The following THSD7B variants were observed in gnomAD, a reference collection of about 807,000 sequenced individuals.
THSD7B encodes thrombospondin type-1 domain-containing protein 7B.
Under a neutral mutation model 213.6 loss-of-function variants are expected in THSD7B, and 138 were observed. The observed-to-expected ratio is 0.65, with a 90% CI of 0.56 to 0.74. The LOEUF is 0.74. Ranked by LOEUF, THSD7B falls within the 30% of genes least tolerant of loss-of-function variation. THSD7B has a pLI of 0.00. For missense variants in THSD7B, 1,931 were observed against 1,991.5 expected, an observed-to-expected ratio of 0.97 and a Z score of 0.58; for synonymous variants, 742 against 687.0, an observed-to-expected ratio of 1.08 and a Z score of -1.25.
intron 17 of THSD7B, among the ~76,000 whole-genome samples, chr2:137,607,534 C>T (rs1682205702): frequency 6.6e-6 from 1 of 152,166 alleles, no homozygotes; most frequent in Non-Finnish European, 1.5e-5. Flanking sequence ...TTGTAGTTCT[C>T]ATGGGTCGCA....
chr2:137,590,186 G>A (rs563998654), intron 17 of THSD7B, among the ~76,000 whole-genome samples: 40 of 152,294 alleles, frequency 2.6e-4, no homozygotes, highest in African/African-American at 9.6e-4. Context: ...ATCACTGGCT[G>A]TACTATTTAC....
intron 2 of THSD7B, among the ~76,000 whole-genome samples, chr2:137,028,395 A>G (rs1686594161): frequency 6.6e-6 from 1 of 152,226 alleles, no homozygotes; most frequent in Admixed American, 6.5e-5. Context: ...TGACAGGCTT[A>G]TCAACAATAT....
chr2:136,828,326 A>G (rs1682693271), intron 1 of THSD7B, among the ~76,000 whole-genome samples: 1 of 152,112 alleles, frequency 6.6e-6, no homozygotes, highest in African/African-American at 2.4e-5. Flanking sequence ...ATCATTGACA[A>G]CTGTCTCTTT....
chr2:137,309,729 C>G lies in THSD7B; in HGVS notation c.2500+33703C>G, dbSNP rs186996878. ...GTCCATGTGTACTCATTGTTCAATT[C>G]CCACCTATGAGTGAGAATGTGCGGT... On this transcript the variant is annotated intron_variant, in intron 12 of 27. Transcript: ENST00000409968. 4.0e-3 allele frequency among the ~76,000 whole-genome samples: 610 copies of G among 151,932 alleles called. 3 individuals are homozygous for G. The highest frequency in any genetic ancestry group is 6.7e-3 in the Non-Finnish European group (453 of 68,000).
rs557913058 is a variant in THSD7B, at chr2:136,768,581, CAG to C, written c.-36+2896_-36+2897del. Reference sequence around the variant, plus strand: ...ATATTAAATACATGATTAAGACAAACAGATTAAAGAATTCTAAGTAGTGACAA... The same window carrying C: ...ATATTAAATACATGATTAAGACAAACATTAAAGAATTCTAAGTAGTGACAA... On this transcript the variant is annotated intron_variant, in intron 1 of 27. Coordinates refer to ENST00000409968, the MANE Select transcript of THSD7B (RefSeq NM_001316349.2). Among the ~76,000 whole-genome samples, 31 of 152,076 alleles carry C rather than the reference CAG, an allele frequency of 2.0e-4. No individual in the cohort carries two copies. In the South Asian group the frequency reaches 6.0e-3, roughly 30 times the overall value.
At chr2:137,375,557 G>A (rs1463158240) in intron 12 of THSD7B, among the ~76,000 whole-genome samples, 1 of 152,120 alleles carries the variant, frequency 6.6e-6, no homozygotes, top group African/African-American at 2.4e-5. Context: ...AAAGTCTTGT[G>A]CAAGACACGA....
chr2:136,938,064 C>T (rs1684762951), intron 2 of THSD7B, among the ~76,000 whole-genome samples: 1 of 152,170 alleles, frequency 6.6e-6, no homozygotes, highest in Non-Finnish European at 1.5e-5. Flanking sequence ...GTGTGAGGTG[C>T]AGGAAGTGGG....
chr2:137,016,004 T>C (rs1042730956), intron 2 of THSD7B, among the ~76,000 whole-genome samples: 1 of 152,172 alleles, frequency 6.6e-6, no homozygotes, highest in Non-Finnish European at 1.5e-5. Context: ...AATAATTCAA[T>C]TTGCATAATA....
intron 15 of THSD7B, among the ~76,000 whole-genome samples, chr2:137,476,659 C>A (rs1257985375): frequency 2.6e-5 from 4 of 152,184 alleles, no homozygotes; most frequent in African/African-American, 9.7e-5. Flanking sequence ...CCACCTCCAT[C>A]TCCTGGGTTC....
chr2:137,175,204 T>C (rs555042581), intron 7 of THSD7B, among the ~76,000 whole-genome samples: 2 of 151,016 alleles, frequency 1.3e-5, no homozygotes, highest in Admixed American at 1.3e-4. Context: ...CCTGTCTGCC[T>C]GCTGTAGCAG....
chr2:137,046,721 A>G (rs1252091088), intron 2 of THSD7B, among the ~76,000 whole-genome samples: 2 of 137,116 alleles, frequency 1.5e-5, no homozygotes, highest in Non-Finnish European at 3.1e-5. Flanking sequence ...CAAGAGTGAA[A>G]CTCCGTCTCA....
intron 1 of THSD7B, among the ~76,000 whole-genome samples, chr2:136,797,502 A>G (rs1053464050): frequency 6.6e-6 from 1 of 152,034 alleles, no homozygotes; most frequent in Non-Finnish European, 1.5e-5. Flanking sequence ...AAGACCATAG[A>G]GTAGGGCTTA....
chr2:136,896,085 T>C (rs544574768), intron 2 of THSD7B, among the ~76,000 whole-genome samples: 2 of 152,324 alleles, frequency 1.3e-5, no homozygotes, highest in Admixed American at 6.5e-5. Flanking sequence ...CATAGACATA[T>C]GCTTTCATTT....
intron 2 of THSD7B, among the ~76,000 whole-genome samples, chr2:136,977,447 A>G (rs1410634855): frequency 6.6e-6 from 1 of 151,820 alleles, no homozygotes; most frequent in Non-Finnish European, 1.5e-5. Flanking sequence ...ACTTTTCTGT[A>G]TGTCTATCTC....
At chr2:137,118,165 A>T (rs1396710895) in intron 5 of THSD7B, among the ~76,000 whole-genome samples, 1 of 152,204 alleles carries the variant, frequency 6.6e-6, no homozygotes, top group African/African-American at 2.4e-5. Context: ...TTTTAAAGAG[A>T]ATAGTGTTTC....
chr2:136,882,404 A>G, intron 2 of THSD7B, 87 bp downstream of exon 2: 2 of 1,299,268 alleles, frequency 1.5e-6, no homozygotes, highest in Non-Finnish European at 2.0e-6. Flanking sequence ...TTTCTAAAGT[A>G]GTGGGAAATA....
intron 2 of THSD7B, among the ~76,000 whole-genome samples, chr2:137,035,087 T>A (rs1686751190): frequency 6.6e-6 from 1 of 152,216 alleles, no homozygotes; most frequent in African/African-American, 2.4e-5. Context: ...AAGAATGAGC[T>A]CCAGAACTCT....
intron 1 of THSD7B, among the ~76,000 whole-genome samples, chr2:136,767,988 G>A (rs1009296057): frequency 3.9e-5 from 6 of 152,172 alleles, no homozygotes; most frequent in Non-Finnish European, 7.3e-5. Flanking sequence ...TGTTAGACAG[G>A]TAGAAAATAA....
At chr2:137,481,319 C>A (rs922233515) in intron 15 of THSD7B, among the ~76,000 whole-genome samples, 7 of 152,276 alleles carry the variant, frequency 4.6e-5, no homozygotes, top group Admixed American at 2.6e-4. Context: ...ATGACTTTTG[C>A]AGCTCATACA....
Sources: allele counts gnomAD v4.1 joint callset (sites outside exome capture counted in the v4.1 genomes callset), GRCh38; gene constraint gnomAD v4.1.1; transcripts MANE v1.5; gene names NCBI Gene and HGNC (gene_info 2026-07-23, HGNC 2026-07-21).